ADD1: variants seen among roughly 807,000 people sequenced by gnomAD.
The protein encoded by ADD1 is adducin 1, also known as alpha-adducin.
In ADD1, 24 loss-of-function variants were observed where a neutral mutation model predicts 80.5. That is an observed-to-expected ratio of 0.30 (90% confidence interval 0.22 to 0.42). The LOEUF (loss-of-function observed/expected upper bound fraction) is 0.42, where lower values mean the gene tolerates loss of function less well. ADD1 is among the 10% of genes least tolerant of loss of function. The pLI is 1.00. For synonymous variants in ADD1, 373 were observed against 393.8 expected (o/e 0.95, Z 0.63); for missense variants, 948 against 1,019.0 (o/e 0.93, Z 0.95).
At chr4:2,863,092 CAGGCTAG>C in intron 1 of ADD1, among the ~76,000 whole-genome samples, 1 of 152,262 alleles carries the variant, frequency 6.6e-6, no homozygotes, top group Admixed American at 6.5e-5. Context: ...CTCTGTCACC[CAGGCTAG>C]AGTGCAGTGG....
chr4:2,893,232 G>A (rs1029985045), intron 4 of ADD1, among the ~76,000 whole-genome samples: 2 of 151,762 alleles, frequency 1.3e-5, no homozygotes, highest in African/African-American at 4.8e-5. Flanking sequence ...CCCAGCCTAG[G>A]TGTTAAGTAT....
chr4:2,899,216 C>G lies in ADD1; in HGVS notation c.985-43C>G, dbSNP rs896220861. 4.5e-6 allele frequency: 7 copies of G among 1,554,576 alleles called. No homozygotes were observed. The Admixed American group carries it at 5.9e-5, about 13-fold the overall frequency. ...ATTCAAGTCATCTGACCCTCTTGAT[C>G]TCAGTAAGGAACTCAAGCCATGCTG... On this transcript the variant is annotated intron_variant, in intron 8 of 15. Coordinates refer to ENST00000683351, the MANE Select transcript of ADD1 (RefSeq NM_001354761.2).
At chr4:2,922,241 T>C (rs1740174818) in intron 14 of ADD1, among the ~76,000 whole-genome samples, 1 of 151,468 alleles carries the variant, frequency 6.6e-6, no homozygotes, top group Non-Finnish European at 1.5e-5. Context: ...ATTTCAGCCT[T>C]TTTGCACTGG....
At chr4:2,854,909 T>C (rs1217348830) in intron 1 of ADD1, 3 of 152,230 alleles carry the variant, frequency 2.0e-5, no homozygotes, top group African/African-American at 7.2e-5. Context: ...AAGGTGTCAC[T>C]AGGGCTGTGC....
chr4:2,852,189 T>TCCTTTCTTTCCTTTC (rs371676635), intron 1 of ADD1, among the ~76,000 whole-genome samples: 55 of 50,820 alleles, frequency 1.1e-3, no homozygotes, highest in East Asian at 3.2e-3. Context: ...TTTCTTTCTT[T>TCCTTTCTTTCCTTTC]CTTTCTTTCC....
chr4:2,905,330 G>T, intron 10 of ADD1: 1 of 581,838 alleles, frequency 1.7e-6, no homozygotes. Flanking sequence ...CTCCGCAGTA[G>T]TTCCAGTATA....
At chr4:2,878,208 G>A (rs1344277862) in intron 2 of ADD1, among the ~76,000 whole-genome samples, 1 of 152,166 alleles carries the variant, frequency 6.6e-6, no homozygotes, top group Non-Finnish European at 1.5e-5. Flanking sequence ...GACAGGGAAA[G>A]GACAAACGGT....
At chr4:2,906,490 C>T (rs953755190) in intron 10 of ADD1, among the ~76,000 whole-genome samples, 1 of 152,096 alleles carries the variant, frequency 6.6e-6, no homozygotes, top group Non-Finnish European at 1.5e-5. Context: ...GGCAGCAGCG[C>T]GAGCTTTATT....
At chr4:2,898,725 G>A in intron 8 of ADD1, 194 bp downstream of exon 8, 1 of 596,466 alleles carries the variant, frequency 1.7e-6, no homozygotes, top group South Asian at 2.0e-5. Flanking sequence ...GGATTACTGG[G>A]CTTTTCATTT....
At chr4:2,916,499 T>C (rs543326970) in intron 14 of ADD1, among the ~76,000 whole-genome samples, 1 of 152,212 alleles carries the variant, frequency 6.6e-6, no homozygotes, top group Non-Finnish European at 1.5e-5. Context: ...CGGCCCTGAA[T>C]ATTATTTTTA....
chr4:2,879,839 C>G (rs185511732), intron 2 of ADD1, among the ~76,000 whole-genome samples: 2 of 152,216 alleles, frequency 1.3e-5, no homozygotes. Context: ...CTCAGCCTCC[C>G]AAGTAGCTAG....
chr4:2,926,423 C>CG lies in ADD1; in HGVS notation c.2047+313dup. ...CGTGTTGTCATGCAGATGCCACCTT[C>CG]GGAGGTGCCCTCCGCTGTGTGAGCC... On this transcript the variant is annotated intron_variant, in intron 15 of 15. Coordinates refer to ENST00000683351, the MANE Select transcript of ADD1 (RefSeq NM_001354761.2). The surrounding 1 kb of genome is among the most constrained non-coding windows in gnomAD (Gnocchi z 5.0). The CG allele has an allele frequency of 1.4e-6, 1 of 692,418 alleles. No homozygotes were observed. The highest frequency in any genetic ancestry group is 2.6e-6 in the Non-Finnish European group (1 of 380,662). 42.9% of individuals were successfully genotyped at this position (692,418 alleles called of 1,614,324 possible).
At chr4:2,903,673 C>T (rs549538316) in intron 9 of ADD1, among the ~76,000 whole-genome samples, 21 of 152,276 alleles carry the variant, frequency 1.4e-4, no homozygotes, top group Admixed American at 5.9e-4. Context: ...TTGTGAATTC[C>T]GCTACTTAGA....
Position 2,876,017 on chromosome 4 carries a change from G to A in ADD1, c.102G>A (p.Glu34=). The A allele has an allele frequency of 1.2e-6, 2 of 1,614,108 alleles. No individual in the cohort carries two copies. The highest frequency in any genetic ancestry group is 2.2e-5 in the South Asian group (2 of 91,076). Residue 34 remains glutamate (E), a synonymous_variant, in exon 2 of 16, where the codon GAG becomes GAA. Coordinates refer to ENST00000683351, the MANE Select transcript of ADD1 (RefSeq NM_001354761.2). Reference sequence around the variant, plus strand: ...ACCGAGTAGATGAGAACAACCCAGAGTACTTGAGGGAGAGGAACATGGCAC... The same window carrying A: ...ACCGAGTAGATGAGAACAACCCAGAATACTTGAGGGAGAGGAACATGGCAC... ...YFDRVDENNP[E]YLRERNMAPD... is the part of the protein sequence containing the mutation.
chr4:2,906,958 C>G (rs749443585), intron 10 of ADD1, among the ~76,000 whole-genome samples: 2 of 152,114 alleles, frequency 1.3e-5, no homozygotes, highest in African/African-American at 4.8e-5. Context: ...AGTGCCTACT[C>G]ATGCCTTAGA....
chr4:2,862,618 C>G (rs1457660937), intron 1 of ADD1, among the ~76,000 whole-genome samples: 1 of 152,152 alleles, frequency 6.6e-6, no homozygotes, highest in African/African-American at 2.4e-5. Flanking sequence ...GTCTGTGAGT[C>G]CTTCCTTAGC....
chr4:2,844,113 C>A (rs978515511), intron 1 of ADD1, 89 bp downstream of exon 1: 1 of 139,912 alleles, frequency 7.1e-6, no homozygotes, highest in African/African-American at 2.6e-5. Flanking sequence ...TTGCGGCGGG[C>A]GGGGGCCGCG....
intron 1 of ADD1, among the ~76,000 whole-genome samples, chr4:2,855,350 A>G (rs540191951): frequency 4.0e-5 from 6 of 151,570 alleles, no homozygotes; most frequent in Non-Finnish European, 8.8e-5. Context: ...TTTCTTTATC[A>G]TCTTAGGTTT....
intron 11 of ADD1, 115 bp downstream of exon 11, chr4:2,907,959 A>C: frequency 1.3e-6 from 1 of 788,156 alleles, no homozygotes; most frequent in Non-Finnish European, 2.2e-6. Flanking sequence ...TGTTGTTGCC[A>C]CTGTTGCAGT....
Sources: gnomAD v4.1 joint callset for allele counts (sites outside exome capture counted in the v4.1 genomes callset) on GRCh38, gnomAD v4.1.1 for gene constraint, Gnocchi (gnomAD v3.1) non-coding constraint, MANE v1.5 for transcripts, NCBI Gene and HGNC (gene_info 2026-07-23, HGNC 2026-07-21) for gene names.